The following EPB41L4B variants were observed in gnomAD, a reference collection of about 807,000 sequenced individuals.
EPB41L4B encodes band 4.1-like protein 4B.
A neutral mutation model predicts 112.5 loss-of-function variants in EPB41L4B; 30 were observed. The ratio of observed to expected loss-of-function variants is 0.27; its 90% CI spans 0.20 to 0.36. The LOEUF is 0.36. Ranked by LOEUF, EPB41L4B falls within the 10% of genes least tolerant of loss-of-function variation. The pLI is 1.00. For missense variants in EPB41L4B, 1,024 were observed against 1,133.3 expected (o/e 0.90, Z 1.38); for synonymous variants, 408 against 439.7 (o/e 0.93, Z 0.90).
chr9:109,174,116 A>C lies in EPB41L4B; in HGVS notation c.*438T>G, dbSNP rs1295137489. ...TCTGTGTATTTATCAGTGTAAATGAAAAACCAGCAATAAAGAATTATTCTT... is the reference window on the plus strand; with the variant it reads ...TCTGTGTATTTATCAGTGTAAATGACAAACCAGCAATAAAGAATTATTCTT... On this transcript the variant is annotated 3_prime_UTR_variant, in exon 26 of 26. Transcript: ENST00000374566. 1 of 158,340 alleles carries C rather than the reference A, an allele frequency of 6.3e-6. No homozygotes were observed. Among genetic ancestry groups the C allele is most frequent in the Non-Finnish European group, 1.4e-5 (1 of 71,098 alleles). The allele number at this position is 158,340 out of a possible 1,614,324, so 9.8% of individuals were successfully genotyped here.
intron 1 of EPB41L4B, among the ~76,000 whole-genome samples, chr9:109,282,285 G>C (rs571951574): frequency 6.6e-6 from 1 of 152,242 alleles, no homozygotes; most frequent in East Asian, 1.9e-4. Context: ...TTTGTAGGGG[G>C]CAGGGGGATT....
Position 109,183,845 on chromosome 9 carries a change from G to A in EPB41L4B, c.2419-1048C>T, listed in dbSNP as rs531818665. Among the ~76,000 whole-genome samples, 7 of 152,336 alleles carry A rather than the reference G, an allele frequency of 4.6e-5. No individual in the cohort carries two copies. The East Asian group carries it at 5.8e-4, about 13-fold the overall frequency. On this transcript the variant is annotated intron_variant, in intron 23 of 25. Transcript: ENST00000374566. ...CTCAATGCTCTTCAGTGGCTCCAAT[G>A]GGAGGGTGAGGCAGGGATGAGTAAG...
In EPB41L4B at chr9:109,320,377, G is replaced by C; in HGVS notation, c.70C>G (p.Arg24Gly). The C allele has an allele frequency of 1.0e-6, 1 of 981,152 alleles. No homozygotes were observed. The highest frequency in any genetic ancestry group is 1.2e-6 in the Non-Finnish European group (1 of 828,694). 60.8% of individuals were successfully genotyped at this position (981,152 alleles called of 1,614,324 possible). ...TCGTCCCCCAGCCCGGCGGCCCCGC[G>C]CCCCGCCGCGCCCCGCGCGTAGCGC... ...MQRYARGAAG[R>G]GAAGLGDERD... Residue 24 changes from arginine to glycine, a missense_variant, in exon 1 of 26, where the codon CGC (arginine) becomes GGC (glycine). Coordinates refer to ENST00000374566, the MANE Select transcript of EPB41L4B (RefSeq NM_019114.5).
At chr9:109,316,416 G>A (rs1837636610) in intron 1 of EPB41L4B, among the ~76,000 whole-genome samples, 1 of 152,262 alleles carries the variant, frequency 6.6e-6, no homozygotes, top group Admixed American at 6.5e-5. Flanking sequence ...CAGGGATTTA[G>A]TCAACAGAGA....
intron 24 of EPB41L4B, among the ~76,000 whole-genome samples, chr9:109,181,077 T>C (rs910310072): frequency 1.3e-5 from 2 of 152,130 alleles, no homozygotes; most frequent in African/African-American, 4.8e-5. Flanking sequence ...AGTGGTGCAG[T>C]CATAGATCAC....
chr9:109,193,933 T>G (rs1832552447), intron 21 of EPB41L4B, among the ~76,000 whole-genome samples: 1 of 152,214 alleles, frequency 6.6e-6, no homozygotes, highest in South Asian at 2.1e-4. Flanking sequence ...ACTAATAGCT[T>G]ATTATAGAGA....
chr9:109,310,929 C>T (rs995580514), intron 1 of EPB41L4B, among the ~76,000 whole-genome samples: 3 of 152,148 alleles, frequency 2.0e-5, no homozygotes, highest in African/African-American at 7.2e-5. Flanking sequence ...AAGTGAAATA[C>T]GCCAGCACAA....
At chr9:109,308,945 G>A (rs762277376) in intron 1 of EPB41L4B, among the ~76,000 whole-genome samples, 6 of 152,124 alleles carry the variant, frequency 3.9e-5, no homozygotes, top group Non-Finnish European at 8.8e-5. Context: ...GCGTGGTGGC[G>A]CATGCCTGTA....
At position 109,173,350 on chromosome 9, in the gene EPB41L4B, C is replaced by G. The variant is rs1412085774; in HGVS notation, c.*1204G>C. The G allele has an allele frequency of 6.6e-6, 1 of 152,350 alleles. No individual in the cohort carries two copies. Among genetic ancestry groups the G allele is most frequent in the Non-Finnish European group, 1.5e-5 (1 of 68,008 alleles). The allele number at this position is 152,350 out of a possible 1,614,324, so 9.4% of individuals were successfully genotyped here. ...CAAGAGCTATAAAATACTTCATGCT[C>G]TTTGACCTTGTAATCCCTCTTTGGA... is the stretch of plus-strand genomic sequence containing the variant. On this transcript the variant is annotated 3_prime_UTR_variant, in exon 26 of 26. Transcript: ENST00000374566.
chr9:109,210,158 A>C (rs1419583193), intron 17 of EPB41L4B, among the ~76,000 whole-genome samples: 4 of 152,314 alleles, frequency 2.6e-5, no homozygotes, highest in East Asian at 3.9e-4. Flanking sequence ...TGAGCCATCA[A>C]GCTGAATCTG....
In EPB41L4B at chr9:109,203,762, C is replaced by T. The variant is rs1364576142; in HGVS notation, c.1879-32G>A. 7 of 1,569,914 alleles carry T rather than the reference C, an allele frequency of 4.5e-6. No individual in the cohort carries two copies. The South Asian group carries it at 4.5e-5, about 10-fold the overall frequency. Reference sequence around the variant, plus strand: ...AAGAAAGCATTCAGGTTAGTCAAAACTGAATATGTTGGCATGCAAAAAATG... The same window carrying T: ...AAGAAAGCATTCAGGTTAGTCAAAATTGAATATGTTGGCATGCAAAAAATG... On this transcript the variant is annotated intron_variant, in intron 18 of 25. Coordinates refer to ENST00000374566, the MANE Select transcript of EPB41L4B (RefSeq NM_019114.5).
rs115044229 is a variant in EPB41L4B at position 109,315,942 on chromosome 9, T to A, written c.306+4199A>T. ...CTGCCTGGCACAGCATTTTTTTTTT[T>A]AATGTCTATTACTAGAAACTTCTTC... On this transcript the variant is annotated intron_variant, in intron 1 of 25. Transcript: ENST00000374566. 1.5e-3 allele frequency among the ~76,000 whole-genome samples: 225 copies of A among 152,220 alleles called. 1 individual carries two copies. Among genetic ancestry groups the A allele is most frequent in the African/African-American group, 5.1e-3 (213 of 41,526 alleles).
At chr9:109,176,966 A>G (rs1044549707) in intron 24 of EPB41L4B, among the ~76,000 whole-genome samples, 11 of 152,254 alleles carry the variant, frequency 7.2e-5, no homozygotes, top group African/African-American at 1.4e-4. Context: ...GCATTTGCCA[A>G]TCAGAAAGAA....
intron 6 of EPB41L4B, among the ~76,000 whole-genome samples, chr9:109,260,303 C>T (rs1437167194): frequency 6.6e-6 from 1 of 152,004 alleles, no homozygotes; most frequent in Non-Finnish European, 1.5e-5. Flanking sequence ...CTCCTGGGCC[C>T]AAGCGATCCG....
In EPB41L4B at chr9:109,278,617, T is replaced by C. The variant is rs142440084; in HGVS notation, c.411+1200A>G. Among the ~76,000 whole-genome samples the C allele has an allele frequency of 7.2e-4, 109 of 152,222 alleles. 1 individual carries two copies. Among genetic ancestry groups the C allele is most frequent in the African/African-American group, 2.5e-3 (102 of 41,522 alleles). ...GAGCTCCAGGTCTCCAGCTCAAACA[T>C]CCTGATCAGGGAACCCAGACTTTAA... On this transcript the variant is annotated intron_variant, in intron 2 of 25. Transcript: ENST00000374566.
At chr9:109,318,624 G>A (rs888048282) in intron 1 of EPB41L4B, among the ~76,000 whole-genome samples, 3 of 152,046 alleles carry the variant, frequency 2.0e-5, no homozygotes, top group African/African-American at 7.2e-5. Flanking sequence ...TCCAGAGGCA[G>A]CCTGCTCCCC....
At chr9:109,223,592 G>A (rs1029469848) in intron 15 of EPB41L4B, among the ~76,000 whole-genome samples, 10 of 152,216 alleles carry the variant, frequency 6.6e-5, no homozygotes, top group African/African-American at 2.2e-4. Context: ...GCTCAGCCCA[G>A]CTCTGAGTGA....
chr9:109,190,198 G>C (rs10979738), intron 22 of EPB41L4B, among the ~76,000 whole-genome samples: 21,755 of 152,192 alleles, frequency 0.14, 3,187 homozygotes, highest in African/African-American at 0.37. Flanking sequence ...TAGGGACCAG[G>C]ATAGTGGTGG....
At chr9:109,235,390 CTTTTTTTT>C (rs758330838) in intron 15 of EPB41L4B, among the ~76,000 whole-genome samples, 10 of 87,236 alleles carry the variant, frequency 1.1e-4, no homozygotes, top group South Asian at 4.8e-4. Context: ...TTCAGCTAGA[CTTTTTTTT>C]TTTTTTTTTT....
Sources: gnomAD v4.1 joint callset for allele counts (sites outside exome capture counted in the v4.1 genomes callset) on GRCh38, gnomAD v4.1.1 for gene constraint, MANE v1.5 for transcripts, NCBI Gene and HGNC (gene_info 2026-07-23, HGNC 2026-07-21) for gene names.